The following FRMD6 variants were observed in gnomAD, a reference collection of about 807,000 sequenced individuals.
FRMD6 encodes FERM domain containing 6.
Under a neutral mutation model 73.2 loss-of-function variants are expected in FRMD6, and 37 were observed. That is an observed-to-expected ratio of 0.51 (90% CI 0.39 to 0.66). The LOEUF is 0.66. FRMD6 is among the 30% of genes least tolerant of loss of function. FRMD6 has a pLI of 0.00. For missense variants in FRMD6, 714 were observed against 780.5 expected (o/e 0.91, Z 1.02); for synonymous variants, 273 against 282.2 (o/e 0.97, Z 0.33).
intron 2 of FRMD6, among the ~76,000 whole-genome samples, chr14:51,646,243 A>G (rs1048839782): frequency 6.9e-6 from 1 of 145,560 alleles, no homozygotes; most frequent in Non-Finnish European, 1.5e-5. Flanking sequence ...GCTTGAACCC[A>G]GGAGGCAGAG....
At chr14:51,692,378 T>C (rs992484843) in intron 2 of FRMD6, among the ~76,000 whole-genome samples, 3 of 152,196 alleles carry the variant, frequency 2.0e-5, no homozygotes, top group East Asian at 3.8e-4. Flanking sequence ...ATAAAAGATA[T>C]CCAATAATTT....
At chr14:51,445,724 A>G in the FRMD6 span, among the ~76,000 whole-genome samples, 2 of 152,180 alleles carry the variant, frequency 1.3e-5, no homozygotes, top group African/African-American at 4.8e-5. Context: ...AGTGCTACTC[A>G]TCTTTGTGCC....
chr14:51,526,154 T>C (rs2140313580), intron 1 of FRMD6, among the ~76,000 whole-genome samples: 1 of 152,316 alleles, frequency 6.6e-6, no homozygotes, highest in South Asian at 2.1e-4. Flanking sequence ...CTCTGTAGCC[T>C]GAACTCTAAA....
chr14:51,408,689 T>G, the FRMD6 span, among the ~76,000 whole-genome samples: 1 of 152,214 alleles, frequency 6.6e-6, no homozygotes, highest in East Asian at 1.9e-4. Context: ...TCTTTAAACA[T>G]GTAAAGTATT....
At chr14:51,456,310 C>A in the FRMD6 span, among the ~76,000 whole-genome samples, 3 of 152,084 alleles carry the variant, frequency 2.0e-5, no homozygotes, top group Non-Finnish European at 4.4e-5. Flanking sequence ...TAGCCCCTCG[C>A]CCCCTGACAG....
At chr14:51,663,873 C>G in intron 1 of FRMD6, among the ~76,000 whole-genome samples, 1 of 152,228 alleles carries the variant, frequency 6.6e-6, no homozygotes, top group East Asian at 1.9e-4. Flanking sequence ...AAGGGCAAGA[C>G]AGAAAGCACA....
intron 1 of FRMD6, among the ~76,000 whole-genome samples, chr14:51,683,830 A>G (rs1034454051): frequency 6.6e-5 from 10 of 152,166 alleles, no homozygotes; most frequent in Non-Finnish European, 1.2e-4. Flanking sequence ...CCTTAAATCT[A>G]TCTTCTTAAT....
chr14:51,396,802 T>C, the FRMD6 span, among the ~76,000 whole-genome samples: 2 of 152,200 alleles, frequency 1.3e-5, no homozygotes, highest in African/African-American at 2.4e-5. Flanking sequence ...GACATGAATA[T>C]ATGTAACTGG....
At chr14:51,431,231 T>A in the FRMD6 span, among the ~76,000 whole-genome samples, 1 of 152,234 alleles carries the variant, frequency 6.6e-6, no homozygotes, top group East Asian at 1.9e-4. Flanking sequence ...CGATAAGAGA[T>A]TTTCAAAGTT....
At chr14:51,525,796 G>T (rs765553858) in intron 1 of FRMD6, among the ~76,000 whole-genome samples, 1 of 152,052 alleles carries the variant, frequency 6.6e-6, no homozygotes, top group Non-Finnish European at 1.5e-5. Flanking sequence ...AAATAGAAAA[G>T]ATTCATTATT....
upstream of FRMD6, chr14:51,651,638 T>A (rs921164788): frequency 6.8e-6 from 1 of 147,426 alleles, no homozygotes; most frequent in Non-Finnish European, 1.5e-5. Flanking sequence ...CCTAGAGGGG[T>A]GGCGTACTCC....
intron 1 of FRMD6, among the ~76,000 whole-genome samples, chr14:51,525,114 G>A (rs1035803968): frequency 6.7e-6 from 1 of 149,500 alleles, no homozygotes; most frequent in Non-Finnish European, 1.5e-5. Flanking sequence ...TAGATAGATA[G>A]ATAGATAGAG....
chr14:51,497,188 C>T (rs1022359315), intron 1 of FRMD6, among the ~76,000 whole-genome samples: 1 of 151,886 alleles, frequency 6.6e-6, no homozygotes. Context: ...TCTGGCTCTA[C>T]TCCTGACTCA....
At position 51,708,094 on chromosome 14, in the gene FRMD6, G is replaced by A; in HGVS notation, c.575G>A (p.Gly192Glu). The A allele has an allele frequency of 6.2e-7, 1 of 1,613,144 alleles. No individual in the cohort carries two copies. Residue 192 changes from glycine to glutamate, a missense_variant, in exon 7 of 14, where the codon GGG (glycine) becomes GAG (glutamate). By Grantham distance (98) the Gly-to-Glu change is moderately conservative. Transcript: ENST00000344768. ...TCCCAACAGGTTGTTTCCAAGAGGG[G>A]GAAGGACTACATCCTGAAGCACATT... is the stretch of plus-strand genomic sequence containing the variant. ...YFPSWVVSKR[G>E]KDYILKHIPN...
At chr14:51,442,254 C>T in the FRMD6 span, among the ~76,000 whole-genome samples, 113 of 152,296 alleles carry the variant, frequency 7.4e-4, 2 homozygotes, top group South Asian at 0.022. Context: ...CTTCTCCCCT[C>T]CTCCGCTCTC....
At chr14:51,551,192 A>C (rs2139437450) in intron 1 of FRMD6, among the ~76,000 whole-genome samples, 1 of 152,348 alleles carries the variant, frequency 6.6e-6, no homozygotes, top group Non-Finnish European at 1.5e-5. Flanking sequence ...TGCCACTGGA[A>C]ACTGACTTGA....
intron 1 of FRMD6, among the ~76,000 whole-genome samples, chr14:51,519,819 A>G (rs1056896293): frequency 2.6e-5 from 4 of 152,208 alleles, no homozygotes; most frequent in Non-Finnish European, 5.9e-5. Context: ...TATCACCAGT[A>G]GGTCTTGTGT....
chr14:51,459,742 G>A, the FRMD6 span, among the ~76,000 whole-genome samples: 2 of 146,804 alleles, frequency 1.4e-5, no homozygotes, highest in East Asian at 4.2e-4. Context: ...CAGGAGAATG[G>A]TGTGAACCCG....
the FRMD6 span, among the ~76,000 whole-genome samples, chr14:51,455,938 T>G: frequency 1.3e-5 from 2 of 152,104 alleles, no homozygotes; most frequent in African/African-American, 4.8e-5. Context: ...GGATTAAAAT[T>G]TAGGAGAAGG....
Sources: allele counts gnomAD v4.1 joint callset (sites outside exome capture counted in the v4.1 genomes callset), GRCh38; gene constraint gnomAD v4.1.1; transcripts MANE v1.5; gene names NCBI Gene and HGNC (gene_info 2026-07-23, HGNC 2026-07-21).